The following MSI2 variants were observed in gnomAD, a reference collection of about 807,000 sequenced individuals.
MSI2 encodes RNA-binding protein Musashi homolog 2.
In MSI2, 17 loss-of-function variants were observed where a neutral mutation model predicts 45.6. That is an observed-to-expected ratio of 0.37 (90% confidence interval 0.26 to 0.56). The LOEUF is 0.56. MSI2 is among the 20% of genes least tolerant of loss of function. The probability of loss-of-function intolerance (pLI) is 0.77; values close to 1 mark genes in which losing one functional copy is unlikely to be tolerated. For synonymous variants in MSI2, 156 were observed against 158.2 expected (o/e 0.99, Z 0.11); for missense variants, 293 against 444.2 (o/e 0.66, Z 3.06).
At chr17:57,642,236 G>A (rs1318261452) in intron 10 of MSI2, among the ~76,000 whole-genome samples, 1 of 152,182 alleles carries the variant, frequency 6.6e-6, no homozygotes, top group Admixed American at 6.5e-5. Context: ...GAATCAAAGT[G>A]GTGAGACCTT....
intron 13 of MSI2, 128 bp downstream of exon 13, chr17:57,677,187 C>T (rs1913292707): frequency 7.4e-6 from 5 of 679,734 alleles, no homozygotes; most frequent in Non-Finnish European, 1.3e-5. Context: ...TTTCTGGACC[C>T]CTTTTCAGGA....
At chr17:57,364,086 T>C (rs1406817215) in intron 5 of MSI2, among the ~76,000 whole-genome samples, 1 of 152,216 alleles carries the variant, frequency 6.6e-6, no homozygotes, top group African/African-American at 2.4e-5. Flanking sequence ...GGTTGCTTTA[T>C]GTGATAATTA....
chr17:57,421,050 C>T (rs2084385748), intron 6 of MSI2, among the ~76,000 whole-genome samples: 2 of 152,268 alleles, frequency 1.3e-5, no homozygotes, highest in East Asian at 3.9e-4. Flanking sequence ...GAAGTTTGAA[C>T]TTGTTCCATT....
intron 5 of MSI2, among the ~76,000 whole-genome samples, chr17:57,381,529 T>G (rs985881886): frequency 6.6e-6 from 1 of 152,196 alleles, no homozygotes; most frequent in African/African-American, 2.4e-5. Flanking sequence ...TGGTCCTTCT[T>G]GTTCCTGTCC....
intron 7 of MSI2, among the ~76,000 whole-genome samples, chr17:57,575,806 C>A (rs4793873): frequency 5.3e-5 from 8 of 151,710 alleles, no homozygotes; most frequent in Non-Finnish European, 1.2e-4. Context: ...TTAGCCGGGC[C>A]TGGTGGCAGG....
chr17:57,513,772 G>A (rs2086409482), intron 6 of MSI2, among the ~76,000 whole-genome samples: 1 of 151,830 alleles, frequency 6.6e-6, no homozygotes, highest in Non-Finnish European at 1.5e-5. Context: ...AGTTTCTTGA[G>A]TGCCACATAG....
chr17:57,595,456 G>T (rs900904074), intron 7 of MSI2, among the ~76,000 whole-genome samples: 1 of 151,952 alleles, frequency 6.6e-6, no homozygotes, highest in Admixed American at 6.6e-5. Context: ...TAAGAAAAAC[G>T]GTTTATTTCT....
intron 10 of MSI2, among the ~76,000 whole-genome samples, chr17:57,643,911 A>T: frequency 6.6e-6 from 1 of 152,052 alleles, no homozygotes; most frequent in South Asian, 2.1e-4. Context: ...TGAGCCACCA[A>T]CCTCTCACCC....
At chr17:57,658,033 G>A (rs1478945261) in intron 11 of MSI2, among the ~76,000 whole-genome samples, 1 of 152,182 alleles carries the variant, frequency 6.6e-6, no homozygotes, top group Non-Finnish European at 1.5e-5. Context: ...GGATCAATGT[G>A]TGCCTTCATT....
chr17:57,413,149 C>T (rs915812554), intron 6 of MSI2, among the ~76,000 whole-genome samples: 7 of 151,442 alleles, frequency 4.6e-5, no homozygotes, highest in African/African-American at 1.5e-4. Context: ...GTGCAACAGC[C>T]TTTATATACA....
At chr17:57,451,672 C>T (rs971612012) in intron 6 of MSI2, among the ~76,000 whole-genome samples, 1 of 152,178 alleles carries the variant, frequency 6.6e-6, no homozygotes, top group South Asian at 2.1e-4. Flanking sequence ...TGCTCCAGTG[C>T]TTTGCTGCTG....
chr17:57,570,645 G>A (rs1346593831), intron 7 of MSI2, among the ~76,000 whole-genome samples: 1 of 152,168 alleles, frequency 6.6e-6, no homozygotes, highest in Non-Finnish European at 1.5e-5. Context: ...TGGTGATGAG[G>A]CCATTATGCC....
At chr17:57,359,522 G>A (rs781653427) in intron 5 of MSI2, among the ~76,000 whole-genome samples, 68 of 152,136 alleles carry the variant, frequency 4.5e-4, no homozygotes, top group Non-Finnish European at 8.4e-4. Context: ...TCCCTGCCAA[G>A]GTTGTCTGAG....
At chr17:57,478,648 G>A (rs4793855) in intron 6 of MSI2, among the ~76,000 whole-genome samples, 44,951 of 152,068 alleles carry the variant, frequency 0.3, 8,221 homozygotes, top group South Asian at 0.47. Context: ...GAAGGCCACC[G>A]TGAGGTCTCA....
intron 5 of MSI2, among the ~76,000 whole-genome samples, chr17:57,333,288 C>T (rs1914416442): frequency 6.6e-6 from 1 of 152,184 alleles, no homozygotes; most frequent in Non-Finnish European, 1.5e-5. Context: ...CTATTACTAG[C>T]AAATGACTAC....
intron 7 of MSI2, among the ~76,000 whole-genome samples, chr17:57,588,132 A>T (rs1904481485): frequency 6.6e-6 from 1 of 152,096 alleles, no homozygotes; most frequent in African/African-American, 2.4e-5. Flanking sequence ...GATATCAGGG[A>T]GGAGGGAGGG....
At chr17:57,502,292 C>T (rs1215513483) in intron 6 of MSI2, among the ~76,000 whole-genome samples, 5 of 152,060 alleles carry the variant, frequency 3.3e-5, no homozygotes, top group Non-Finnish European at 5.9e-5. Flanking sequence ...TTACAGGTGA[C>T]GTGGTACAGA....
At chr17:57,615,032 G>A (rs1907544255) in intron 8 of MSI2, among the ~76,000 whole-genome samples, 1 of 152,020 alleles carries the variant, frequency 6.6e-6, no homozygotes, top group Non-Finnish European at 1.5e-5. Flanking sequence ...TGTAGGTTTT[G>A]TGGAAATGTG....
intron 6 of MSI2, among the ~76,000 whole-genome samples, chr17:57,507,105 T>G (rs2086246121): frequency 6.6e-6 from 1 of 152,064 alleles, no homozygotes; most frequent in African/African-American, 2.4e-5. Flanking sequence ...TCCCTCCCTT[T>G]TATTTTACCT....
Sources: allele counts gnomAD v4.1 joint callset (sites outside exome capture counted in the v4.1 genomes callset), GRCh38; gene constraint gnomAD v4.1.1; transcripts MANE v1.5; gene names NCBI Gene and HGNC (gene_info 2026-07-23, HGNC 2026-07-21).